Variants in QSOX1 observed in about 807,000 individuals in gnomAD.
The protein encoded by QSOX1 is sulfhydryl oxidase 1.
In QSOX1, 40 loss-of-function variants were observed where a neutral mutation model predicts 76.1. That is an observed-to-expected ratio of 0.53 (90% CI 0.41 to 0.68). The LOEUF (loss-of-function observed/expected upper bound fraction) is 0.68, where lower values mean the gene tolerates loss of function less well. Ranked by LOEUF, QSOX1 falls within the 30% of genes least tolerant of loss-of-function variation. The probability of loss-of-function intolerance (pLI) is 0.00; values close to 1 mark genes in which losing one functional copy is unlikely to be tolerated. For synonymous variants in QSOX1, 392 were observed against 413.1 expected, an observed-to-expected ratio of 0.95 and a Z score of 0.62; for missense variants, 931 against 974.3, an observed-to-expected ratio of 0.96 and a Z score of 0.59.
chr1:180,186,771 T>C (rs1368961602), intron 8 of QSOX1, among the ~76,000 whole-genome samples: 3 of 152,226 alleles, frequency 2.0e-5, no homozygotes, highest in Non-Finnish European at 2.9e-5. Flanking sequence ...GTTTATTTTG[T>C]CCTCCCCGAT....
rs10913933 is a variant in QSOX1, at chr1:180,154,926, G to C, written c.19G>C (p.Gly7Arg). 0.016 allele frequency: 23,480 copies of C among 1,469,138 alleles called. 549 individuals carry two copies. Among genetic ancestry groups the C allele is most frequent in the East Asian group, 0.1 (3,536 of 35,198 alleles). The allele number at this position is 1,469,138 out of a possible 1,614,324, so 91.0% of individuals were successfully genotyped here. ...GCCGAGGATGAGGAGGTGCAACAGCGGCTCCGGGCCGCCGCCGTCGCTGCT... is the reference window on the plus strand; with the variant it reads ...GCCGAGGATGAGGAGGTGCAACAGCCGCTCCGGGCCGCCGCCGTCGCTGCT... MRRCNS[G>R]SGPPPSLLLL... The change falls in exon 1 of 12, where the codon GGC (glycine) becomes CGC (arginine). Residue 7 changes from glycine (G) to arginine (R), a missense_variant. By Grantham distance (125) the Gly-to-Arg change is moderately radical (BLOSUM62 -2). Coordinates refer to ENST00000367602, the MANE Select transcript of QSOX1 (RefSeq NM_002826.5).
At position 180,202,675 on chromosome 1, in the gene QSOX1, C is replaced by CAAAAAAAAAAAAAAAAAAAAAAAGAAA. The variant is rs3063009; in HGVS notation, c.*5654_*5655insAAAAAAAGAAAAAAAAAAAAAAAAAAA. 1 of 127,738 alleles carries CAAAAAAAAAAAAAAAAAAAAAAAGAAA rather than the reference C, an allele frequency of 7.8e-6. No individual in the cohort carries two copies. The allele number at this position is 127,738 out of a possible 1,614,324, so 7.9% of individuals were successfully genotyped here. A position where few individuals can be genotyped will look rare whatever the true frequency, so the allele number is the denominator to read the frequency against. On this transcript the variant is annotated 3_prime_UTR_variant, in exon 12 of 12. Coordinates refer to ENST00000367602, the MANE Select transcript of QSOX1 (RefSeq NM_002826.5). ...ATCTCAGTAGATTAGTAAGCTAATG[C>CAAAAAAAAAAAAAAAAAAAAAAAGAAA]AAAAAAAAAAAAAAAAGGGGAAATA...
Position 180,176,049 on chromosome 1 carries a change from G to A in QSOX1, c.515+16G>A, listed in dbSNP as rs201711093. ...AGCCTGCCAAGTACTTTGGGCTGGG[G>A]CAGGCTTAGTGCATTGTGGGCCAGG... On this transcript the variant is annotated intron_variant, in intron 4 of 11. Transcript: ENST00000367602. 1.2e-5 allele frequency: 19 copies of A among 1,564,494 alleles called. No homozygotes were observed. The East Asian group carries it at 3.2e-4, about 27-fold the overall frequency.
chr1:180,195,536 T>C (rs1663450804), intron 11 of QSOX1, among the ~76,000 whole-genome samples: 1 of 152,212 alleles, frequency 6.6e-6, no homozygotes, highest in African/African-American at 2.4e-5. Flanking sequence ...TGGGCAACAC[T>C]GCGTGAGGGG....
At chr1:180,166,441 GA>G (rs1558184476) in intron 1 of QSOX1, 49 bp from the exon 2 acceptor site, 1 of 1,478,776 alleles carries the variant, frequency 6.8e-7, no homozygotes, top group South Asian at 1.1e-5. Flanking sequence ...TGGGCGGGCA[GA>G]GGGGGTACCA....
chr1:180,182,392 T>C, intron 6 of QSOX1, 73 bp downstream of exon 6: 1 of 1,572,274 alleles, frequency 6.4e-7, no homozygotes, highest in Non-Finnish European at 8.7e-7. Context: ...CCAGAGGGGC[T>C]GCCCGCCTTT....
chr1:180,196,411 A>T lies in QSOX1; in HGVS notation c.1618A>T (p.Ile540Phe). Residue 540 changes from isoleucine to phenylalanine, a missense_variant, in exon 12 of 12, where the codon ATC becomes TTC. Physicochemically the swap from Ile to Phe is conservative, Grantham distance 21. Coordinates refer to ENST00000367602, the MANE Select transcript of QSOX1 (RefSeq NM_002826.5). The surrounding 1 kb of genome is among the most constrained non-coding windows in gnomAD (Gnocchi z 4.1). Reference protein sequence around the residue: ...FLKAHFSPSNIILDFPAAGSA... With the variant: ...FLKAHFSPSNFILDFPAAGSA... ...CAAGGCCCACTTCTCCCCAAGCAAC[A>T]TCATCCTGGACTTCCCTGCAGCTGG... The T allele has an allele frequency of 6.2e-7, 1 of 1,614,206 alleles. No homozygotes were observed. The highest frequency in any genetic ancestry group is 8.5e-7 in the Non-Finnish European group (1 of 1,180,038).
At position 180,182,195 on chromosome 1, in the gene QSOX1, C is replaced by T; in HGVS notation, c.628C>T (p.His210Tyr). 6.2e-7 allele frequency: 1 copy of T among 1,614,170 alleles called. No homozygotes were observed. The highest frequency in any genetic ancestry group is 8.5e-7 in the Non-Finnish European group (1 of 1,180,010). ...GREVALDLSQHKGVAVRRVLN... is the reference protein window; with the variant it reads ...GREVALDLSQYKGVAVRRVLN... Reference sequence around the variant, plus strand: ...GCAGGTGGCTCTGGACCTGTCCCAGCACAAAGGCGTGGCGGTGCGCAGGGT... The same window carrying T: ...GCAGGTGGCTCTGGACCTGTCCCAGTACAAAGGCGTGGCGGTGCGCAGGGT... Residue 210 changes from histidine (H) to tyrosine (Y), a missense_variant, in exon 6 of 12, where the codon CAC (histidine) becomes TAC (tyrosine). Transcript: ENST00000367602.
chr1:180,162,580 T>G (rs1412211554), intron 1 of QSOX1, among the ~76,000 whole-genome samples: 2 of 152,024 alleles, frequency 1.3e-5, no homozygotes, highest in Non-Finnish European at 2.9e-5. Flanking sequence ...TATATTAAAA[T>G]TTTAAAAAAT....
chr1:180,184,138 C>T (rs937340620), intron 7 of QSOX1, 88 bp downstream of exon 7: 5 of 1,483,430 alleles, frequency 3.4e-6, no homozygotes, highest in East Asian at 4.6e-5. Context: ...CTTGCTCATT[C>T]TTCTTCCTTG....
chr1:180,196,144 G>T lies in QSOX1; in HGVS notation c.1469-118G>T. 2 of 1,268,594 alleles carry T rather than the reference G, an allele frequency of 1.6e-6. No homozygotes were observed. Among genetic ancestry groups the T allele is most frequent in the East Asian group, 2.4e-5 (1 of 42,178 alleles). 78.6% of individuals were successfully genotyped at this position (1,268,594 alleles called of 1,614,324 possible). On this transcript the variant is annotated intron_variant, in intron 11 of 11. Coordinates refer to ENST00000367602, the MANE Select transcript of QSOX1 (RefSeq NM_002826.5). This position sits in a 1 kb window ranked among gnomAD's most constrained non-coding sequence, Gnocchi z 4.1. ...TTTTCTAATTACCCATCCTCTGGAA[G>T]GGCAGTGGCGAGCCCTTTCTGCAGA... is the stretch of plus-strand genomic sequence containing the variant.
At chr1:180,169,894 G>A (rs1662722841) in intron 2 of QSOX1, among the ~76,000 whole-genome samples, 1 of 152,254 alleles carries the variant, frequency 6.6e-6, no homozygotes, top group African/African-American at 2.4e-5. Context: ...CTCTTTCACT[G>A]GTCAGAGAGG....
At chr1:180,189,236 G>T (rs1369233725) in intron 8 of QSOX1, among the ~76,000 whole-genome samples, 1 of 152,186 alleles carries the variant, frequency 6.6e-6, no homozygotes, top group African/African-American at 2.4e-5. Context: ...GTGGCACATG[G>T]TCGGGGGGTG....
chr1:180,185,634 C>G (rs1026013846), intron 7 of QSOX1, among the ~76,000 whole-genome samples: 1 of 152,168 alleles, frequency 6.6e-6, no homozygotes, highest in Admixed American at 6.5e-5. Context: ...TTTTCCAGAG[C>G]CATGTCGTGT....
At chr1:180,169,194 G>T (rs1662706412) in intron 2 of QSOX1, among the ~76,000 whole-genome samples, 1 of 152,262 alleles carries the variant, frequency 6.6e-6, no homozygotes, top group Non-Finnish European at 1.5e-5. Flanking sequence ...GTGGGAGAGG[G>T]AGGGGCTGGT....
At chr1:180,175,410 C>G in intron 3 of QSOX1, 44 bp downstream of exon 3, 1 of 1,591,016 alleles carries the variant, frequency 6.3e-7, no homozygotes, top group African/African-American at 1.3e-5. Context: ...CTTCCTCCCC[C>G]AACCTCCCTC....
chr1:180,194,998 G>GGT (rs1553275517), intron 11 of QSOX1, among the ~76,000 whole-genome samples: 1 of 147,016 alleles, frequency 6.8e-6, no homozygotes, highest in Non-Finnish European at 1.5e-5. Flanking sequence ...CAGCCTCCCG[G>GGT]GGGGGGGAGA....
At chr1:180,186,826 G>T (rs1663186585) in intron 8 of QSOX1, among the ~76,000 whole-genome samples, 2 of 152,266 alleles carry the variant, frequency 1.3e-5, no homozygotes, top group African/African-American at 4.8e-5. Flanking sequence ...CGTTCTGCCA[G>T]CCTGAAAGTG....
chr1:180,176,952 C>T (rs1392423315), intron 4 of QSOX1, among the ~76,000 whole-genome samples: 3 of 152,206 alleles, frequency 2.0e-5, no homozygotes, highest in African/African-American at 7.2e-5. Flanking sequence ...GGGGTTGAAT[C>T]CAACTCACAA....
Sources: allele counts gnomAD v4.1 joint callset (sites outside exome capture counted in the v4.1 genomes callset), GRCh38; gene constraint gnomAD v4.1.1; non-coding constraint Gnocchi (gnomAD v3.1); transcripts MANE v1.5; gene names NCBI Gene and HGNC (gene_info 2026-07-23, HGNC 2026-07-21).